The following MGST1 variants were observed in gnomAD, a reference collection of about 807,000 sequenced individuals.
MGST1 encodes the protein glutathione S-transferase 12.
Under a neutral mutation model 8.9 loss-of-function variants are expected in MGST1, and 5 were observed. That is an observed-to-expected ratio of 0.56 (90% CI 0.29 to 1.19). MGST1 has a LOEUF of 1.19. Ranked by LOEUF, MGST1 falls within the 50% of genes most tolerant of loss-of-function variation. The pLI is 0.08. For missense variants in MGST1, 182 were observed against 187.4 expected (o/e 0.97, Z 0.17); for synonymous variants, 54 against 67.8 (o/e 0.80, Z 1.00).
intron 4 of MGST1, among the ~76,000 whole-genome samples, chr12:16,510,064 T>G (rs2137177974): frequency 6.6e-6 from 1 of 152,246 alleles, no homozygotes; most frequent in East Asian, 1.9e-4. Flanking sequence ...CCTTAGTAAA[T>G]TTTAGTTGTT....
intron 1 of MGST1, among the ~76,000 whole-genome samples, chr12:16,414,023 A>T (rs1042561683): frequency 1.3e-5 from 2 of 152,040 alleles, no homozygotes; most frequent in Non-Finnish European, 2.9e-5. Flanking sequence ...AAGTATTATG[A>T]TATTTGCCTG....
In MGST1 at chr12:16,559,851, A is replaced by C. The variant is rs1307673309; in HGVS notation, n.483-29677A>C. The stretch of plus-strand genomic sequence containing the variant: ...GGAGTGCACACCTGTACTCCCAGCT[A>C]CTCGGGAGGCTGAGGCAGGAGGATT... On this transcript the variant is annotated intron_variant and non_coding_transcript_variant, in intron 4 of 4. Transcript: ENST00000538857. The surrounding 1 kb of genome is among the most constrained non-coding windows in gnomAD (Gnocchi z 4.1). Among the ~76,000 whole-genome samples, 2 of 151,488 alleles carry C rather than the reference A, an allele frequency of 1.3e-5. No individual in the cohort carries two copies. Among genetic ancestry groups the C allele is most frequent in the Admixed American group, 6.6e-5 (1 of 15,182 alleles).
downstream of MGST1, among the ~76,000 whole-genome samples, chr12:16,442,400 A>C (rs1941046237): frequency 6.6e-6 from 1 of 151,882 alleles, no homozygotes; most frequent in African/African-American, 2.4e-5. This position sits in a 1 kb window ranked among gnomAD's most constrained non-coding sequence, Gnocchi z 4.5. Context: ...ACCCAAGGTC[A>C]TCTAGATTTT....
At chr12:16,447,719 C>A (rs896865408) in intron 4 of MGST1, among the ~76,000 whole-genome samples, 25 of 152,100 alleles carry the variant, frequency 1.6e-4, no homozygotes, top group African/African-American at 5.8e-4. Context: ...GGCACTTGCA[C>A]AGCTCAGATA....
chr12:16,370,802 C>T (rs1940279358), intron 3 of MGST1, among the ~76,000 whole-genome samples: 2 of 152,090 alleles, frequency 1.3e-5, no homozygotes, highest in South Asian at 2.1e-4. Flanking sequence ...TCTAAAAATT[C>T]TATTTACTCT....
Position 16,548,462 on chromosome 12 carries a change from G to A in MGST1, n.483-41066G>A, listed in dbSNP as rs1405732631. The A allele has an allele frequency of 6.6e-6, 1 of 152,176 alleles. No homozygotes were observed. Among genetic ancestry groups the A allele is most frequent in the African/African-American group, 2.4e-5 (1 of 41,446 alleles). 9.4% of individuals were successfully genotyped at this position (152,176 alleles called of 1,614,324 possible). A position where few individuals can be genotyped will look rare whatever the true frequency, so the allele number is the denominator to read the frequency against. On this transcript the variant is annotated intron_variant and non_coding_transcript_variant, in intron 4 of 4. Transcript: ENST00000538857. The surrounding 1 kb of genome is among the most constrained non-coding windows in gnomAD (Gnocchi z 4.2). Reference sequence around the variant, plus strand: ...CAGATATTTATTAAGCAAGATGAAAGTGAAATTACAAACACAGGTCAACTT... The same window carrying A: ...CAGATATTTATTAAGCAAGATGAAAATGAAATTACAAACACAGGTCAACTT...
chr12:16,509,794 G>T (rs1250761251), intron 4 of MGST1, among the ~76,000 whole-genome samples: 2 of 152,052 alleles, frequency 1.3e-5, no homozygotes, highest in Non-Finnish European at 2.9e-5. Context: ...ACTTCTCTAG[G>T]GTATATAGCC....
intron 4 of MGST1, chr12:16,551,405 T>C: frequency 1.1e-6 from 1 of 884,684 alleles, no homozygotes; most frequent in Non-Finnish European, 1.8e-6. Flanking sequence ...TATTTTCCTA[T>C]TAATAGTTTC....
intron 4 of MGST1, among the ~76,000 whole-genome samples, chr12:16,472,947 G>A (rs1340523385): frequency 6.6e-6 from 1 of 152,144 alleles, no homozygotes; most frequent in Non-Finnish European, 1.5e-5. Context: ...CTTGCATTTT[G>A]TAGGCTAGCC....
chr12:16,507,809 A>G (rs374772193), intron 4 of MGST1, among the ~76,000 whole-genome samples: 16 of 152,086 alleles, frequency 1.1e-4, no homozygotes, highest in East Asian at 9.6e-4. Flanking sequence ...CCATGATTCA[A>G]TCACCTCCCA....
downstream of MGST1, among the ~76,000 whole-genome samples, chr12:16,441,690 A>T (rs1234374645): frequency 6.6e-6 from 1 of 151,724 alleles, no homozygotes; most frequent in African/African-American, 2.4e-5. Flanking sequence ...GTGCTGAATA[A>T]TACTCCATTG....
rs1941196352 is a variant in MGST1 at position 16,458,624 on chromosome 12, T to G, written n.482+75020T>G. Among the ~76,000 whole-genome samples, 1 of 152,078 alleles carries G rather than the reference T, an allele frequency of 6.6e-6. No individual in the cohort carries two copies. On this transcript the variant is annotated intron_variant and non_coding_transcript_variant, in intron 4 of 4. Transcript: ENST00000538857. This position sits in a 1 kb window ranked among gnomAD's most constrained non-coding sequence, Gnocchi z 4.0. ...CTTTAATATGTGTAATAAGCTTGTA[T>G]GAAAATGAAATTATATATTATAAAC...
chr12:16,533,703 C>G (rs1037466050), intron 4 of MGST1, among the ~76,000 whole-genome samples: 8 of 142,580 alleles, frequency 5.6e-5, no homozygotes, highest in African/African-American at 2.1e-4. Flanking sequence ...TTTTAAGGCA[C>G]TTACAGTCTA....
chr12:16,570,537 CT>C (rs1411901219), intron 4 of MGST1, among the ~76,000 whole-genome samples: 2 of 151,888 alleles, frequency 1.3e-5, no homozygotes, highest in African/African-American at 4.8e-5. Flanking sequence ...GGAAATAATC[CT>C]GGGAATGACA....
At chr12:16,506,873 G>A (rs1047523857) in intron 4 of MGST1, among the ~76,000 whole-genome samples, 3 of 152,200 alleles carry the variant, frequency 2.0e-5, no homozygotes, top group Non-Finnish European at 4.4e-5. Context: ...AAACAAATAT[G>A]TTTTGAACAG....
At chr12:16,408,030 C>CA (rs200073692) in intron 1 of MGST1, among the ~76,000 whole-genome samples, 5,343 of 43,852 alleles carry the variant, frequency 0.12, 1,492 homozygotes, top group Non-Finnish European at 0.24. Context: ...GACTCTGTCT[C>CA]AAAAAAAAAA....
chr12:16,406,735 A>T (rs1380911751), intron 1 of MGST1, among the ~76,000 whole-genome samples: 1 of 152,152 alleles, frequency 6.6e-6, no homozygotes, highest in Non-Finnish European at 1.5e-5. Flanking sequence ...TAAAATAGAG[A>T]ACCCAGAAAT....
Position 16,497,814 on chromosome 12 carries a change from T to C in MGST1, n.483-91714T>C, listed in dbSNP as rs1941479925. Among the ~76,000 whole-genome samples the C allele has an allele frequency of 6.6e-6, 1 of 152,162 alleles. No individual in the cohort carries two copies. The highest frequency in any genetic ancestry group is 2.4e-5 in the African/African-American group (1 of 41,438). Reference sequence around the variant, plus strand: ...TTGTGCGCTTTTGTAAGAATTCCCTTGGTAATATGTTAAAATAGCACATTC... The same window carrying C: ...TTGTGCGCTTTTGTAAGAATTCCCTCGGTAATATGTTAAAATAGCACATTC... On this transcript the variant is annotated intron_variant and non_coding_transcript_variant, in intron 4 of 4. Coordinates refer to the MGST1 transcript ENST00000538857. This position sits in a 1 kb window ranked among gnomAD's most constrained non-coding sequence, Gnocchi z 4.4.
intron 4 of MGST1, among the ~76,000 whole-genome samples, chr12:16,552,675 G>T (rs1488935664): frequency 6.6e-6 from 1 of 151,952 alleles, no homozygotes; most frequent in Non-Finnish European, 1.5e-5. Flanking sequence ...TTTTCCCCAG[G>T]ATTACTGCCT....
Sources: allele counts gnomAD v4.1 joint callset (sites outside exome capture counted in the v4.1 genomes callset), GRCh38; gene constraint gnomAD v4.1.1; non-coding constraint Gnocchi (gnomAD v3.1); transcripts MANE v1.5; gene names NCBI Gene and HGNC (gene_info 2026-07-23, HGNC 2026-07-21).